SHANK2: variants seen among roughly 807,000 people sequenced by gnomAD.
SHANK2 encodes the protein SH3 and multiple ankyrin repeat domains 2.
A neutral mutation model predicts 133.7 loss-of-function variants in SHANK2; 43 were observed. The ratio of observed to expected loss-of-function variants is 0.32; its 90% confidence interval spans 0.25 to 0.41. The LOEUF (loss-of-function observed/expected upper bound fraction) is 0.41, where lower values mean the gene tolerates loss of function less well. SHANK2 is among the 10% of genes least tolerant of loss of function. The pLI is 1.00. For missense variants in SHANK2, 1,994 were observed against 2,235.8 expected (o/e 0.89, Z 2.18); for synonymous variants, 1,017 against 952.8 (o/e 1.07, Z -1.24).
At chr11:70,934,782 G>A (rs955628300) in intron 10 of SHANK2, among the ~76,000 whole-genome samples, 4 of 152,226 alleles carry the variant, frequency 2.6e-5, no homozygotes, top group African/African-American at 7.2e-5. Flanking sequence ...CACGAGTGGC[G>A]TGATTTTCCT....
intron 14 of SHANK2, among the ~76,000 whole-genome samples, chr11:70,709,466 T>A (rs1332271669): frequency 6.6e-6 from 1 of 152,116 alleles, no homozygotes; most frequent in Non-Finnish European, 1.5e-5. Flanking sequence ...TGAGGTCAGG[T>A]CTGACCTGGC....
chr11:70,913,596 T>A (rs1555079423), intron 10 of SHANK2, among the ~76,000 whole-genome samples: 1 of 152,154 alleles, frequency 6.6e-6, no homozygotes, highest in African/African-American at 2.4e-5. Context: ...ATGTTGTTTT[T>A]AAGATCCTTG....
intron 9 of SHANK2, among the ~76,000 whole-genome samples, chr11:71,073,147 C>CTTTTCTTTTTTTTTTTTTTTTTTTTTTT: frequency 1.6e-5 from 1 of 62,758 alleles, no homozygotes; most frequent in East Asian, 4.5e-4. Context: ...TTTTTCTTTT[C>CTTTTCTTTTTTTTTTTTTTTTTTTTTTT]TTTTTTTTCT....
chr11:70,896,943 C>A (rs972934671), intron 10 of SHANK2, among the ~76,000 whole-genome samples: 1 of 152,110 alleles, frequency 6.6e-6, no homozygotes, highest in Non-Finnish European at 1.5e-5. Flanking sequence ...TCTGACACCC[C>A]GGAGCCCTGT....
chr11:70,811,052 G>GCAGGT (rs1156348897), intron 12 of SHANK2, among the ~76,000 whole-genome samples: 45 of 152,266 alleles, frequency 3.0e-4, no homozygotes, highest in African/African-American at 1.1e-3. Flanking sequence ...TGGAGTGGCT[G>GCAGGT]CAGGTCAGGT....
chr11:71,056,312 C>T (rs1429824126), intron 10 of SHANK2, among the ~76,000 whole-genome samples, 169 bp downstream of exon 10: 2 of 152,208 alleles, frequency 1.3e-5, no homozygotes, highest in African/African-American at 2.4e-5. Context: ...GACGGGGCAG[C>T]AGCTTTGCAC....
At chr11:70,781,580 A>ATATATATATATG (rs34035945) in intron 14 of SHANK2, among the ~76,000 whole-genome samples, 1 of 126,296 alleles carries the variant, frequency 7.9e-6, no homozygotes, top group African/African-American at 3.0e-5. Context: ...ATATATATAT[A>ATATATATATATG]TATTTACTTA....
At chr11:70,728,100 C>T (rs782145297) in intron 14 of SHANK2, among the ~76,000 whole-genome samples, 7 of 152,178 alleles carry the variant, frequency 4.6e-5, no homozygotes, top group East Asian at 1.9e-4. Context: ...CAGGTGTATG[C>T]GGAGCCTACA....
chr11:71,161,714 C>A (rs1555109949), intron 2 of SHANK2, among the ~76,000 whole-genome samples: 1 of 152,184 alleles, frequency 6.6e-6, no homozygotes, highest in Non-Finnish European at 1.5e-5. Flanking sequence ...CAATGTACAC[C>A]TTACATGTAC....
intron 14 of SHANK2, among the ~76,000 whole-genome samples, chr11:70,714,073 TGCCTAGGTCCTG>T (rs528530262): frequency 7.7e-4 from 117 of 152,182 alleles, no homozygotes; most frequent in Admixed American, 2.7e-3. Context: ...CCTCCAGGAG[TGCCTAGGTCCTG>T]GCCAATGAGA....
At position 70,472,423 on chromosome 11, in the gene SHANK2, T is replaced by C; in HGVS notation, c.*446A>G. On this transcript the variant is annotated 3_prime_UTR_variant, in exon 26 of 26. Transcript: ENST00000601538. The surrounding 1 kb of genome is among the most constrained non-coding windows in gnomAD (Gnocchi z 4.4). Reference sequence around the variant, plus strand: ...GGTGTCCTCTGAGAGGCCACAGGACTGAGGAAAGGCCTCATGCCGGGGCCT... The same window carrying C: ...GGTGTCCTCTGAGAGGCCACAGGACCGAGGAAAGGCCTCATGCCGGGGCCT... 1 of 242,416 alleles carries C rather than the reference T, an allele frequency of 4.1e-6. No individual in the cohort carries two copies. Among genetic ancestry groups the C allele is most frequent in the East Asian group, 1.1e-4 (1 of 9,406 alleles). The allele number at this position is 242,416 out of a possible 1,614,324, so 15.0% of individuals were successfully genotyped here.
intron 17 of SHANK2, among the ~76,000 whole-genome samples, chr11:70,621,584 G>C (rs967568261): frequency 6.6e-6 from 1 of 152,152 alleles, no homozygotes; most frequent in African/African-American, 2.4e-5. Flanking sequence ...AGGAGAGAGG[G>C]GACTGGAAAT....
At chr11:71,215,430 C>A (rs1954388756) in intron 2 of SHANK2, among the ~76,000 whole-genome samples, 1 of 152,204 alleles carries the variant, frequency 6.6e-6, no homozygotes, top group Non-Finnish European at 1.5e-5. Context: ...CCCCTGGCTG[C>A]CCATCAGCAG....
At chr11:70,838,036 C>T (rs1555060538) in intron 11 of SHANK2, among the ~76,000 whole-genome samples, 1 of 147,652 alleles carries the variant, frequency 6.8e-6, no homozygotes, top group African/African-American at 2.5e-5. Flanking sequence ...TAACTTCATC[C>T]AATAAATGAA....
chr11:71,131,713 C>A (rs1555103742), intron 3 of SHANK2, among the ~76,000 whole-genome samples: 1 of 152,120 alleles, frequency 6.6e-6, no homozygotes, highest in Non-Finnish European at 1.5e-5. Context: ...CCAGAGAAGT[C>A]CCTTTAGAAG....
Position 70,486,802 on chromosome 11 carries a change from C to T in SHANK2, c.3491G>A (p.Ser1164Asn), listed in dbSNP as rs1425968462. Residue 1164 changes from serine (S) to asparagine (N), a missense_variant, in exon 25 of 26, where the codon AGT (serine) becomes AAT (asparagine). By Grantham distance (46) the Ser-to-Asn change is conservative (BLOSUM62 1). This residue lies in a region of SHANK2 where 797 missense variants were observed against 907.4 expected (regional missense o/e 0.88). Transcript: ENST00000601538. The surrounding 1 kb of genome is among the most constrained non-coding windows in gnomAD (Gnocchi z 8.0). ...ENHFVGGAEA[S>N]APGEAGRPLN... ...CGGCCTCCCAGCCTCACCCGGAGCACTGGCCTCGGCGCCACCCACGAAATG... is the reference window on the plus strand; with the variant it reads ...CGGCCTCCCAGCCTCACCCGGAGCATTGGCCTCGGCGCCACCCACGAAATG... 1.2e-6 allele frequency: 2 copies of T among 1,612,350 alleles called. No homozygotes were observed. Among genetic ancestry groups the T allele is most frequent in the Non-Finnish European group, 1.7e-6 (2 of 1,179,934 alleles).
intron 11 of SHANK2, among the ~76,000 whole-genome samples, chr11:70,834,483 G>A (rs782008545): frequency 1.3e-5 from 2 of 152,196 alleles, no homozygotes; most frequent in African/African-American, 2.4e-5. Flanking sequence ...CTCAGCCAGC[G>A]GGGGCCAAGC....
intron 17 of SHANK2, among the ~76,000 whole-genome samples, chr11:70,616,723 G>A (rs2060747215): frequency 6.6e-6 from 1 of 152,196 alleles, no homozygotes; most frequent in Admixed American, 6.5e-5. Context: ...AAGGCTGGGA[G>A]TGCCAGAAGG....
chr11:70,763,118 A>G (rs1050247456), intron 14 of SHANK2, among the ~76,000 whole-genome samples: 1 of 152,200 alleles, frequency 6.6e-6, no homozygotes, highest in Non-Finnish European at 1.5e-5. Context: ...GCGACCTGGA[A>G]CAAGTCACTT....
Sources: allele counts gnomAD v4.1 joint callset (sites outside exome capture counted in the v4.1 genomes callset), GRCh38; gene constraint gnomAD v4.1.1; regional missense constraint gnomAD v4.1.1; non-coding constraint Gnocchi (gnomAD v3.1); transcripts MANE v1.5; gene names NCBI Gene and HGNC (gene_info 2026-07-23, HGNC 2026-07-21).